The following VWA5A variants were observed in gnomAD, a reference collection of about 807,000 sequenced individuals.
VWA5A encodes the protein von Willebrand factor A domain containing 5A, also known as von Willebrand factor A domain-containing protein 5A.
Under a neutral mutation model 84.6 loss-of-function variants are expected in VWA5A, and 77 were observed. The ratio of observed to expected loss-of-function variants is 0.91; its 90% CI spans 0.76 to 1.10. VWA5A has a LOEUF of 1.10. Ranked by LOEUF, VWA5A falls within the 50% of genes least tolerant of loss-of-function variation. The pLI, the probability that VWA5A is intolerant of heterozygous loss-of-function variation, is 0.00. For synonymous variants in VWA5A, 334 were observed against 350.1 expected (o/e 0.95, Z 0.51); for missense variants, 973 against 963.0 (o/e 1.01, Z -0.14).
chr11:124,141,194 T>C (rs1860721655), intron 15 of VWA5A, among the ~76,000 whole-genome samples: 1 of 152,206 alleles, frequency 6.6e-6, no homozygotes, highest in South Asian at 2.1e-4. Flanking sequence ...TTTAATGATC[T>C]GGATGCAGCA....
At chr11:124,131,430 A>C (rs2137648594) in intron 11 of VWA5A, among the ~76,000 whole-genome samples, 1 of 152,190 alleles carries the variant, frequency 6.6e-6, no homozygotes, top group East Asian at 1.9e-4. Flanking sequence ...ACCGCACATA[A>C]CTGAAACTAT....
intron 7 of VWA5A, 106 bp downstream of exon 7, chr11:124,119,195 T>C: frequency 1.9e-6 from 2 of 1,032,670 alleles, no homozygotes; most frequent in Non-Finnish European, 2.9e-6. Context: ...GGGTGGTTAA[T>C]ACATGTGAAA....
rs758986742 is a variant in VWA5A, at chr11:124,134,877, T to C, written c.1245-43T>C. ...TTATGTATTAATTTTATATTTTCAC[T>C]GTTTAATGCCTTCCTCTAACCTCTG... On this transcript the variant is annotated intron_variant, in intron 11 of 18. Transcript: ENST00000456829. 2.7e-6 allele frequency: 4 copies of C among 1,464,578 alleles called. No individual in the cohort carries two copies. In the African/African-American group the frequency reaches 4.2e-5, roughly 16 times the overall value. 90.7% of individuals were successfully genotyped at this position (1,464,578 alleles called of 1,614,324 possible).
At chr11:124,141,781 T>C in intron 16 of VWA5A, 40 bp downstream of exon 16, 1 of 1,607,582 alleles carries the variant, frequency 6.2e-7, no homozygotes, top group Non-Finnish European at 8.5e-7. Context: ...ACAATGTTTT[T>C]CTGTCACATA....
chr11:124,134,838 T>G, intron 11 of VWA5A, 82 bp from the exon 12 acceptor site: 4 of 953,092 alleles, frequency 4.2e-6, no homozygotes, highest in East Asian at 5.4e-5. Context: ...TATTTCCTTA[T>G]GTATTTTTGG....
At chr11:124,141,878 A>C (rs1860735600) in intron 16 of VWA5A, 137 bp downstream of exon 16, 1 of 1,262,028 alleles carries the variant, frequency 7.9e-7, no homozygotes, top group African/African-American at 1.5e-5. Flanking sequence ...GCATTGGAAA[A>C]GATTCATTCC....
chr11:124,135,285 G>A (rs887030274), intron 12 of VWA5A, among the ~76,000 whole-genome samples: 4 of 152,190 alleles, frequency 2.6e-5, no homozygotes, highest in African/African-American at 7.2e-5. Flanking sequence ...TGCTGACAGG[G>A]ATCTGGGCCT....
intron 11 of VWA5A, among the ~76,000 whole-genome samples, chr11:124,134,293 G>T (rs1424829503): frequency 1.3e-5 from 2 of 152,158 alleles, no homozygotes; most frequent in Non-Finnish European, 2.9e-5. Flanking sequence ...AAATTGCAGG[G>T]TATTAATTTA....
chr11:124,117,293 T>C, intron 2 of VWA5A: 1 of 608,718 alleles, frequency 1.6e-6, no homozygotes, highest in Non-Finnish European at 2.9e-6. Flanking sequence ...CAGTGAATCT[T>C]ACACCTTCCC....
In VWA5A at chr11:124,137,219, G is replaced by T; in HGVS notation, c.1830G>T (p.Arg610Ser). 5 of 1,614,164 alleles carry T rather than the reference G, an allele frequency of 3.1e-6. No individual in the cohort carries two copies. The highest frequency in any genetic ancestry group is 3.4e-6 in the Non-Finnish European group (4 of 1,180,036). Reference sequence around the variant, plus strand: ...CTCTGGCTCATAGGGACGTCCCAAGGCCAATTCTGTTGGGTGCTTCTGCCC... The same window carrying T: ...CTCTGGCTCATAGGGACGTCCCAAGTCCAATTCTGTTGGGTGCTTCTGCCC... The part of the protein sequence containing the change: ...QGPLAHRDVP[R>S]PILLGASAPL... Residue 610 changes from arginine to serine, a missense_variant, in exon 15 of 19, where the codon AGG becomes AGT. By Grantham distance (110) the Arg-to-Ser change is moderately radical. Coordinates refer to ENST00000456829, the MANE Select transcript of VWA5A (RefSeq NM_001130142.2).
intron 11 of VWA5A, among the ~76,000 whole-genome samples, chr11:124,131,353 G>A (rs981981290): frequency 6.6e-6 from 1 of 152,040 alleles, no homozygotes; most frequent in Non-Finnish European, 1.5e-5. Flanking sequence ...AGAATGGGAT[G>A]CAATTTAAAA....
intron 11 of VWA5A, among the ~76,000 whole-genome samples, chr11:124,129,633 A>T (rs1301739315): frequency 6.6e-6 from 1 of 152,102 alleles, no homozygotes; most frequent in Non-Finnish European, 1.5e-5. Context: ...TTGGTAGACT[A>T]TTAATTACTG....
chr11:124,136,498 T>C, intron 13 of VWA5A, 76 bp from the exon 14 acceptor site: 1 of 1,488,438 alleles, frequency 6.7e-7, no homozygotes, highest in Non-Finnish European at 9.3e-7. Context: ...TTTGGGTACC[T>C]GCCCCTGTTC....
chr11:124,130,874 G>C (rs1021889300), intron 11 of VWA5A, among the ~76,000 whole-genome samples: 28 of 151,984 alleles, frequency 1.8e-4, no homozygotes, highest in Admixed American at 3.3e-4. Context: ...TTTATTCTTG[G>C]CATTTTCAAC....
At chr11:124,136,988 T>G in intron 14 of VWA5A, 27 bp from the exon 15 acceptor site, 1 of 1,603,466 alleles carries the variant, frequency 6.2e-7, no homozygotes, top group Non-Finnish European at 8.5e-7. Flanking sequence ...TCCCTACATT[T>G]CAGTACTTTT....
intron 11 of VWA5A, among the ~76,000 whole-genome samples, chr11:124,134,040 A>T (rs918383432): frequency 6.6e-6 from 1 of 152,212 alleles, no homozygotes; most frequent in Non-Finnish European, 1.5e-5. Flanking sequence ...GATTTTATAC[A>T]AAAGACCTTA....
At position 124,142,572 on chromosome 11, in the gene VWA5A, G is replaced by A. The variant is rs1860751471; in HGVS notation, c.2154G>A (p.Glu718=). ...LEEIMAAQPA[E]LVDSSGWATI... Reference sequence around the variant, plus strand: ...AAATAATGGCTGCACAGCCTGCCGAGGTAAGATTCAATGGAAAAAGGAGTA... The same window carrying A: ...AAATAATGGCTGCACAGCCTGCCGAAGTAAGATTCAATGGAAAAAGGAGTA... The change falls in exon 17 of 19, where the codon GAG becomes GAA. Residue 718 remains glutamate, a splice_region_variant and synonymous_variant. Coordinates refer to ENST00000456829, the MANE Select transcript of VWA5A (RefSeq NM_001130142.2). 5.6e-6 allele frequency: 9 copies of A among 1,613,916 alleles called. No homozygotes were observed. The South Asian group carries it at 8.8e-5, about 16-fold the overall frequency.
At chr11:124,120,684 C>T (rs912013439) in intron 7 of VWA5A, among the ~76,000 whole-genome samples, 3 of 152,184 alleles carry the variant, frequency 2.0e-5, no homozygotes, top group Non-Finnish European at 4.4e-5. Flanking sequence ...TCCTCTTCCA[C>T]GAAGCTCCAT....
chr11:124,118,086 G>C (rs1286811105), intron 4 of VWA5A, 103 bp from the exon 5 acceptor site: 16 of 1,356,548 alleles, frequency 1.2e-5, no homozygotes, highest in African/African-American at 1.5e-5. Context: ...GCTGTGATTA[G>C]ACAAGACCAA....
Sources: gnomAD v4.1 joint callset for allele counts (sites outside exome capture counted in the v4.1 genomes callset) on GRCh38, gnomAD v4.1.1 for gene constraint, MANE v1.5 for transcripts, NCBI Gene and HGNC (gene_info 2026-07-23, HGNC 2026-07-21) for gene names.